LMBRD1: variants seen among roughly 807,000 people sequenced by gnomAD.
The protein encoded by LMBRD1 is LMBR1 domain containing 1.
LMBRD1 carries 64 observed loss-of-function variants against 74.8 expected under a neutral mutation model. That is an observed-to-expected ratio of 0.86 (90% CI 0.70 to 1.05). The LOEUF is 1.05. Among genes scored for constraint, LMBRD1 ranks in the 50% least tolerant of loss-of-function variants. The pLI, the probability that LMBRD1 is intolerant of heterozygous loss-of-function variation, is 0.00. For missense variants in LMBRD1, 652 were observed against 645.9 expected (o/e 1.01, Z -0.10); for synonymous variants, 204 against 216.3 (o/e 0.94, Z 0.50).
chr6:69,760,985 A>G (rs1317724687), intron 3 of LMBRD1, among the ~76,000 whole-genome samples: 1 of 152,166 alleles, frequency 6.6e-6, no homozygotes, highest in African/African-American at 2.4e-5. Context: ...GTAGCCCAAC[A>G]AGAGAACCTG....
chr6:69,764,299 G>C (rs1215909457), intron 3 of LMBRD1, among the ~76,000 whole-genome samples: 1 of 151,814 alleles, frequency 6.6e-6, no homozygotes, highest in Non-Finnish European at 1.5e-5. Context: ...AGAAGAGAAA[G>C]AGACCAGAGT....
At chr6:69,744,145 T>C (rs1056176696) in intron 5 of LMBRD1, among the ~76,000 whole-genome samples, 15 of 152,184 alleles carry the variant, frequency 9.9e-5, no homozygotes, top group African/African-American at 3.4e-4. Context: ...GGTGATGATA[T>C]TAAAGTAACC....
intron 3 of LMBRD1, among the ~76,000 whole-genome samples, chr6:69,753,534 T>TA (rs1045466192): frequency 4.4e-4 from 67 of 152,158 alleles, no homozygotes; most frequent in African/African-American, 1.4e-3. Context: ...CGATGTTTCC[T>TA]AAAAAAATGA....
At chr6:69,790,709 A>C (rs1488468990) in intron 1 of LMBRD1, 1 of 504,216 alleles carries the variant, frequency 2.0e-6, no homozygotes, top group Non-Finnish European at 3.6e-6. Context: ...AACAGTGCTC[A>C]GCTACATATT....
intron 14 of LMBRD1, among the ~76,000 whole-genome samples, chr6:69,683,188 T>C (rs1765697998): frequency 6.6e-6 from 1 of 151,994 alleles, no homozygotes; most frequent in Admixed American, 6.6e-5. Flanking sequence ...CAATACTCAA[T>C]TTTCCAGTCT....
chr6:69,680,927 T>C (rs1351798534), intron 14 of LMBRD1, among the ~76,000 whole-genome samples: 3 of 152,096 alleles, frequency 2.0e-5, no homozygotes, highest in African/African-American at 7.2e-5. Flanking sequence ...GATTTCTTTC[T>C]ATAATTATCC....
intron 1 of LMBRD1, among the ~76,000 whole-genome samples, chr6:69,793,574 A>G (rs1243317219): frequency 5.9e-5 from 9 of 152,224 alleles, no homozygotes; most frequent in Non-Finnish European, 1.3e-4. Context: ...TAGATAGAAC[A>G]GTTTAGATTT....
At chr6:69,724,251 A>C (rs546499642) in intron 7 of LMBRD1, among the ~76,000 whole-genome samples, 1 of 151,100 alleles carries the variant, frequency 6.6e-6, no homozygotes, top group Non-Finnish European at 1.5e-5. Flanking sequence ...TGAAGAACTA[A>C]TATCAGTCCT....
rs561163787 is a variant in LMBRD1, at chr6:69,676,755, TA to T, written c.1418-215del. 2.9e-3 allele frequency among the ~76,000 whole-genome samples: 440 copies of T among 150,620 alleles called. 2 individuals are homozygous for T. The highest frequency in any genetic ancestry group is 9.9e-3 in the African/African-American group (405 of 41,046). On this transcript the variant is annotated intron_variant, in intron 14 of 15. Coordinates refer to ENST00000649934, the MANE Select transcript of LMBRD1 (RefSeq NM_018368.4). ...AAAACTGCCAATTAATATGACATAT[TA>T]AAAAAAAAATGAATGCCACCAATGC...
chr6:69,709,990 A>T (rs531285788), intron 9 of LMBRD1, among the ~76,000 whole-genome samples: 38 of 152,304 alleles, frequency 2.5e-4, no homozygotes, highest in Middle Eastern at 6.8e-3. Context: ...ATCCTAGTGG[A>T]TGTTTTGTGG....
chr6:69,791,077 A>G (rs754408717), intron 1 of LMBRD1, among the ~76,000 whole-genome samples: 3 of 152,250 alleles, frequency 2.0e-5, no homozygotes, highest in African/African-American at 4.8e-5. Flanking sequence ...GTTCACTCAG[A>G]GGTAGAGGTT....
chr6:69,780,368 T>C (rs1175198031), intron 3 of LMBRD1, 126 bp downstream of exon 3: 4 of 729,004 alleles, frequency 5.5e-6, no homozygotes, highest in Admixed American at 3.8e-5. Flanking sequence ...AACTACTCCA[T>C]GTGTGTCCAT....
chr6:69,786,735 A>C (rs936555578), intron 2 of LMBRD1, among the ~76,000 whole-genome samples: 1 of 152,220 alleles, frequency 6.6e-6, no homozygotes, highest in African/African-American at 2.4e-5. Context: ...TACCCCTGCC[A>C]TAAGAAGGCA....
At chr6:69,695,878 C>T (rs1048259614) in intron 14 of LMBRD1, among the ~76,000 whole-genome samples, 2 of 149,830 alleles carry the variant, frequency 1.3e-5, no homozygotes, top group African/African-American at 2.5e-5. Flanking sequence ...GAGTCTTGCC[C>T]TGTCGCCTGG....
At chr6:69,791,626 T>G (rs887679082) in intron 1 of LMBRD1, among the ~76,000 whole-genome samples, 1 of 152,214 alleles carries the variant, frequency 6.6e-6, no homozygotes, top group Admixed American at 6.5e-5. Context: ...ACTTTCTTTC[T>G]GAGCATCCTA....
chr6:69,786,363 A>G (rs1323155334), intron 2 of LMBRD1, among the ~76,000 whole-genome samples: 2 of 152,202 alleles, frequency 1.3e-5, no homozygotes, highest in Admixed American at 1.3e-4. Context: ...AGGGAACAGG[A>G]GTAAGATATG....
At chr6:69,678,653 T>C (rs1013426790) in intron 14 of LMBRD1, among the ~76,000 whole-genome samples, 1 of 152,134 alleles carries the variant, frequency 6.6e-6, no homozygotes, top group Non-Finnish European at 1.5e-5. Flanking sequence ...AAAAAGATCC[T>C]ACATGCAATT....
intron 5 of LMBRD1, among the ~76,000 whole-genome samples, 197 bp from the exon 6 acceptor site, chr6:69,742,074 T>A (rs1383286015): frequency 2.6e-5 from 4 of 152,144 alleles, no homozygotes; most frequent in Non-Finnish European, 5.9e-5. Context: ...TTCAGAAAAA[T>A]TAGTTTCCTT....
At chr6:69,679,003 C>T (rs1048135312) in intron 14 of LMBRD1, among the ~76,000 whole-genome samples, 1 of 148,534 alleles carries the variant, frequency 6.7e-6, no homozygotes, top group Non-Finnish European at 1.5e-5. Context: ...CTGAATTGCT[C>T]AATACCAAAC....
Sources: allele counts gnomAD v4.1 joint callset (sites outside exome capture counted in the v4.1 genomes callset), GRCh38; gene constraint gnomAD v4.1.1; transcripts MANE v1.5; gene names NCBI Gene and HGNC (gene_info 2026-07-23, HGNC 2026-07-21).